The following EPHA6 variants were observed in gnomAD, a reference collection of about 807,000 sequenced individuals.
EPHA6 encodes EPH receptor A6, also known as ephrin type-A receptor 6.
Under a neutral mutation model 112.0 loss-of-function variants are expected in EPHA6, and 50 were observed. The ratio of observed to expected loss-of-function variants is 0.45; its 90% CI spans 0.36 to 0.56. The LOEUF (loss-of-function observed/expected upper bound fraction) is 0.56. EPHA6 is among the 20% of genes least tolerant of loss of function. The pLI, the probability that EPHA6 is intolerant of heterozygous loss-of-function variation, is 0.00. For missense variants in EPHA6, 1,280 were observed against 1,417.4 expected (o/e 0.90, Z 1.56); for synonymous variants, 529 against 490.7 (o/e 1.08, Z -1.03).
intron 4 of EPHA6, among the ~76,000 whole-genome samples, chr3:97,236,918 A>G (rs1478232596): frequency 6.6e-6 from 1 of 152,028 alleles, no homozygotes; most frequent in Non-Finnish European, 1.5e-5. Flanking sequence ...AGGTATGCTC[A>G]GGATGCTCAC....
At chr3:97,371,604 A>G (rs749643944) in intron 5 of EPHA6, among the ~76,000 whole-genome samples, 6 of 152,254 alleles carry the variant, frequency 3.9e-5, no homozygotes, top group Admixed American at 2.0e-4. Context: ...TTTAAACAAT[A>G]TGAAATCTGG....
At chr3:97,237,086 T>C (rs1363666763) in intron 4 of EPHA6, among the ~76,000 whole-genome samples, 2 of 151,984 alleles carry the variant, frequency 1.3e-5, no homozygotes, top group Non-Finnish European at 2.9e-5. Flanking sequence ...CAGCTGATTG[T>C]TTAGGTGACT....
At chr3:97,041,931 T>G (rs1323866377) in intron 3 of EPHA6, among the ~76,000 whole-genome samples, 3 of 152,052 alleles carry the variant, frequency 2.0e-5, no homozygotes, top group Non-Finnish European at 4.4e-5. Flanking sequence ...CAAATTACAA[T>G]TCAACATAAG....
intron 2 of EPHA6, among the ~76,000 whole-genome samples, chr3:96,949,580 A>G (rs79933045): frequency 0.028 from 4,265 of 152,254 alleles, 201 homozygotes; most frequent in African/African-American, 0.095. Flanking sequence ...CTAAATAATA[A>G]GGATTGTAAG....
chr3:97,076,334 A>G (rs1201333120), intron 3 of EPHA6, among the ~76,000 whole-genome samples: 1 of 152,188 alleles, frequency 6.6e-6, no homozygotes, highest in African/African-American at 2.4e-5. Flanking sequence ...AGTGGTCTGG[A>G]TAGAAGATCA....
rs57116000 is a variant in EPHA6 at position 97,001,017 on chromosome 3, G to GAT, written c.1114+13037_1114+13038dup. ...AAACTCTCCAGCCCAGTCAGAAATT[G>GAT]ATATATATATATATGCATGTGTGTT... On this transcript the variant is annotated intron_variant, in intron 3 of 17. Coordinates refer to ENST00000389672, the MANE Select transcript of EPHA6 (RefSeq NM_001080448.3). Among the ~76,000 whole-genome samples the GAT allele has an allele frequency of 1.2e-3, 132 of 114,560 alleles. 8 individuals carry two copies. In the Middle Eastern group the frequency reaches 0.016, roughly 14 times the overall value. The allele number at this position is 114,560 out of a possible 152,430, so 75.2% of individuals were successfully genotyped here.
At chr3:96,979,746 A>C (rs900076400) in intron 2 of EPHA6, among the ~76,000 whole-genome samples, 68 of 152,114 alleles carry the variant, frequency 4.5e-4, no homozygotes, top group Non-Finnish European at 9.3e-4. Flanking sequence ...TGCCATTCTA[A>C]CTGGTGTGAG....
chr3:96,901,991 T>C (rs574653262), intron 2 of EPHA6, among the ~76,000 whole-genome samples: 1 of 152,328 alleles, frequency 6.6e-6, no homozygotes, highest in East Asian at 1.9e-4. Flanking sequence ...GGAACTTAAA[T>C]ATATCATTCT....
intron 3 of EPHA6, among the ~76,000 whole-genome samples, chr3:97,092,294 A>G (rs2047096157): frequency 6.6e-6 from 1 of 152,028 alleles, no homozygotes; most frequent in African/African-American, 2.4e-5. Context: ...TGGGGATATC[A>G]TAGAGAAGGT....
chr3:97,250,345 A>G (rs1387058320), intron 5 of EPHA6, among the ~76,000 whole-genome samples: 35 of 152,156 alleles, frequency 2.3e-4, no homozygotes, highest in Admixed American at 2.3e-3. Context: ...GTTTAATCCT[A>G]AACTTGATTT....
At chr3:97,534,959 A>G (rs2092743047) in intron 11 of EPHA6, among the ~76,000 whole-genome samples, 1 of 152,076 alleles carries the variant, frequency 6.6e-6, no homozygotes, top group Admixed American at 6.6e-5. Context: ...AGGTTTAAAA[A>G]GCGTCATATC....
chr3:97,490,606 G>T (rs1205497130), intron 10 of EPHA6, among the ~76,000 whole-genome samples: 1 of 152,144 alleles, frequency 6.6e-6, no homozygotes, highest in African/African-American at 2.4e-5. Context: ...GCAAGACTGG[G>T]TACATCTTAG....
At chr3:97,573,862 G>T (rs1451740568) in intron 11 of EPHA6, among the ~76,000 whole-genome samples, 1 of 151,728 alleles carries the variant, frequency 6.6e-6, no homozygotes, top group African/African-American at 2.4e-5. Context: ...GACAAATTTT[G>T]TATTGATTTA....
intron 2 of EPHA6, among the ~76,000 whole-genome samples, chr3:96,959,873 A>G (rs1201714042): frequency 2.0e-5 from 3 of 152,094 alleles, no homozygotes; most frequent in Non-Finnish European, 4.4e-5. Context: ...TATTTGAAGT[A>G]TTTGAAAGTT....
intron 7 of EPHA6, among the ~76,000 whole-genome samples, chr3:97,474,050 T>G (rs1032743937): frequency 2.6e-5 from 4 of 151,864 alleles, no homozygotes; most frequent in Non-Finnish European, 5.9e-5. Context: ...GTGACTGGTT[T>G]CTTACTGACT....
At chr3:96,883,817 G>A (rs562834849) in intron 2 of EPHA6, among the ~76,000 whole-genome samples, 84 of 152,042 alleles carry the variant, frequency 5.5e-4, no homozygotes, top group Middle Eastern at 6.8e-3. Flanking sequence ...ACAGGTACCC[G>A]CCACCACACC....
At chr3:97,079,758 A>G (rs769985965) in intron 3 of EPHA6, among the ~76,000 whole-genome samples, 89 of 152,024 alleles carry the variant, frequency 5.9e-4, no homozygotes, top group Non-Finnish European at 1.1e-3. Context: ...AGCAAACTTT[A>G]TTGTCTTATT....
At chr3:96,954,435 G>A (rs534591511) in intron 2 of EPHA6, among the ~76,000 whole-genome samples, 2 of 152,222 alleles carry the variant, frequency 1.3e-5, no homozygotes, top group Admixed American at 1.3e-4. Flanking sequence ...GCCCCTTGCT[G>A]TTTATCATAT....
intron 13 of EPHA6, among the ~76,000 whole-genome samples, chr3:97,627,921 C>G (rs1223621421): frequency 6.6e-6 from 1 of 151,952 alleles, no homozygotes; most frequent in East Asian, 1.9e-4. Context: ...AAAAGTTCCC[C>G]CAGTTGAGTC....
Sources: allele counts gnomAD v4.1 joint callset (sites outside exome capture counted in the v4.1 genomes callset), GRCh38; gene constraint gnomAD v4.1.1; transcripts MANE v1.5; gene names NCBI Gene and HGNC (gene_info 2026-07-23, HGNC 2026-07-21).